The following MRTFB variants were observed in gnomAD, a reference collection of about 807,000 sequenced individuals.
The protein encoded by MRTFB is myocardin-related transcription factor B.
Under a neutral mutation model 104.2 loss-of-function variants are expected in MRTFB, and 29 were observed. The ratio of observed to expected loss-of-function variants is 0.28; its 90% CI spans 0.21 to 0.38. The LOEUF (loss-of-function observed/expected upper bound fraction) is 0.38. Among genes scored for constraint, MRTFB ranks in the 10% least tolerant of loss-of-function variants. The pLI is 1.00. For synonymous variants in MRTFB, 535 were observed against 519.5 expected, an observed-to-expected ratio of 1.03 and a Z score of -0.41; for missense variants, 1,270 against 1,341.6, an observed-to-expected ratio of 0.95 and a Z score of 0.83.
At chr16:14,228,557 C>A (rs1298392926) in intron 8 of MRTFB, among the ~76,000 whole-genome samples, 3 of 150,144 alleles carry the variant, frequency 2.0e-5, no homozygotes, top group East Asian at 1.9e-4. Context: ...GCCTGGGCAA[C>A]AGAGCTAGAC....
At chr16:14,000,700 G>A in the MRTFB span, among the ~76,000 whole-genome samples, 1 of 152,168 alleles carries the variant, frequency 6.6e-6, no homozygotes, top group African/African-American at 2.4e-5. Flanking sequence ...CATCACCTGG[G>A]ACACAAGTAT....
chr16:14,132,388 C>T (rs1022475095), intron 2 of MRTFB, among the ~76,000 whole-genome samples: 16 of 151,620 alleles, frequency 1.1e-4, no homozygotes, highest in Middle Eastern at 3.4e-3. Context: ...TATTAAAAGA[C>T]GACCAAATTT....
intron 3 of MRTFB, among the ~76,000 whole-genome samples, chr16:14,203,945 A>G (rs2040830735): frequency 6.6e-6 from 1 of 151,978 alleles, no homozygotes; most frequent in Admixed American, 6.6e-5. Context: ...TTGTATTTTA[A>G]AGGTTTTGTT....
intron 3 of MRTFB, among the ~76,000 whole-genome samples, chr16:14,165,508 C>A (rs535269240): frequency 1.3e-5 from 2 of 152,180 alleles, no homozygotes; most frequent in Admixed American, 6.5e-5. Context: ...CCTAGCCATG[C>A]GGCCGCCTTT....
intron 8 of MRTFB, among the ~76,000 whole-genome samples, chr16:14,228,641 T>C (rs961467105): frequency 5.3e-5 from 8 of 151,988 alleles, no homozygotes; most frequent in African/African-American, 1.9e-4. Context: ...ATAGCAGCAT[T>C]ATTCACAATA....
rs1211592887 is a variant in MRTFB, at chr16:14,265,292, T to C, written c.*3848T>C. ...ATATCTGCTACTGTAAACATGAATA[T>C]TGAATACTGACAAGAGAATACCCAT... On this transcript the variant is annotated 3_prime_UTR_variant, in exon 17 of 17. Transcript: ENST00000571589. 5 of 152,204 alleles carry C rather than the reference T, an allele frequency of 3.3e-5. No individual in the cohort carries two copies. The highest frequency in any genetic ancestry group is 1.2e-4 in the African/African-American group (5 of 41,438). The allele number at this position is 152,204 out of a possible 1,614,324, so 9.4% of individuals were successfully genotyped here.
chr16:14,029,419 A>AAATATATATAT, the MRTFB span, among the ~76,000 whole-genome samples: 1 of 88,898 alleles, frequency 1.1e-5, no homozygotes. Flanking sequence ...AAAAAAAAAA[A>AAATATATATAT]ATATATATAT....
intron 2 of MRTFB, among the ~76,000 whole-genome samples, chr16:14,081,852 A>C (rs1176780845): frequency 6.6e-6 from 1 of 152,176 alleles, no homozygotes; most frequent in Non-Finnish European, 1.5e-5. Flanking sequence ...AAGTGCTGGG[A>C]TTATAGGTGT....
chr16:14,228,123 A>T (rs2042092812), intron 8 of MRTFB, among the ~76,000 whole-genome samples: 1 of 152,212 alleles, frequency 6.6e-6, no homozygotes, highest in South Asian at 2.1e-4. Flanking sequence ...CTATCAAAAG[A>T]ACAAAAAATA....
intron 3 of MRTFB, among the ~76,000 whole-genome samples, chr16:14,166,842 G>T (rs942805710): frequency 2.0e-5 from 3 of 152,118 alleles, no homozygotes; most frequent in Non-Finnish European, 2.9e-5. Context: ...ACATGATCTT[G>T]TTCCTTTTTA....
At chr16:14,052,021 A>G in the MRTFB span, among the ~76,000 whole-genome samples, 6 of 152,126 alleles carry the variant, frequency 3.9e-5, no homozygotes, top group Non-Finnish European at 8.8e-5. Flanking sequence ...TTGCAAGGGG[A>G]AAAGACCAGC....
chr16:14,043,756 C>G, the MRTFB span, among the ~76,000 whole-genome samples: 2 of 152,204 alleles, frequency 1.3e-5, no homozygotes, highest in African/African-American at 4.8e-5. Flanking sequence ...AGCCCAGCAC[C>G]AGGTACCTGA....
At chr16:14,155,419 T>C (rs1597098539) in intron 3 of MRTFB, among the ~76,000 whole-genome samples, 1 of 152,194 alleles carries the variant, frequency 6.6e-6, no homozygotes, top group Non-Finnish European at 1.5e-5. Flanking sequence ...TCATTCTGGG[T>C]CTGTTTTTAT....
chr16:14,134,268 G>A (rs2037590979), intron 2 of MRTFB, among the ~76,000 whole-genome samples: 1 of 152,060 alleles, frequency 6.6e-6, no homozygotes, highest in Non-Finnish European at 1.5e-5. Context: ...TATTTTTATA[G>A]TATATTTTTT....
chr16:14,184,973 A>G (rs2039897374), intron 3 of MRTFB, among the ~76,000 whole-genome samples: 1 of 149,272 alleles, frequency 6.7e-6, no homozygotes, highest in Non-Finnish European at 1.5e-5. Context: ...AATTAGATAA[A>G]CCTTGCAAAA....
chr16:14,257,581 G>A (rs1484100187), intron 15 of MRTFB, among the ~76,000 whole-genome samples: 4 of 139,752 alleles, frequency 2.9e-5, no homozygotes, highest in Admixed American at 7.3e-5. Context: ...GGTTGCCTAC[G>A]GATGAGGGGA....
chr16:14,023,655 T>A, the MRTFB span, among the ~76,000 whole-genome samples: 4 of 123,068 alleles, frequency 3.3e-5, no homozygotes, highest in Admixed American at 2.4e-4. Flanking sequence ...ATATACATAT[T>A]TATGTGTGTG....
the MRTFB span, chr16:14,020,559 C>G: frequency 2.6e-5 from 4 of 152,046 alleles, no homozygotes; most frequent in African/African-American, 7.2e-5. Context: ...CAGGTGGTCA[C>G]GGAAGGCCTT....
At chr16:14,159,134 G>A (rs960205073) in intron 3 of MRTFB, among the ~76,000 whole-genome samples, 2 of 152,096 alleles carry the variant, frequency 1.3e-5, no homozygotes, top group Non-Finnish European at 2.9e-5. Flanking sequence ...CTCACTAGGT[G>A]TGTTCATGTG....
Sources: allele counts gnomAD v4.1 joint callset (sites outside exome capture counted in the v4.1 genomes callset), GRCh38; gene constraint gnomAD v4.1.1; transcripts MANE v1.5; gene names NCBI Gene and HGNC (gene_info 2026-07-23, HGNC 2026-07-21).